The following GALNT6 variants were observed in gnomAD, a reference collection of about 807,000 sequenced individuals.
GALNT6 encodes the protein polypeptide N-acetylgalactosaminyltransferase 6, also known as GalNAc transferase 6.
Under a neutral mutation model 65.9 loss-of-function variants are expected in GALNT6, and 51 were observed. The observed-to-expected ratio is 0.77, with a 90% CI of 0.62 to 0.98. GALNT6 has a LOEUF of 0.98. Among genes scored for constraint, GALNT6 ranks in the 50% least tolerant of loss-of-function variants. GALNT6 has a pLI of 0.00. For synonymous variants in GALNT6, 323 were observed against 315.1 expected (o/e 1.02, Z -0.26); for missense variants, 708 against 803.3 (o/e 0.88, Z 1.43).
intron 4 of GALNT6, among the ~76,000 whole-genome samples, chr12:51,372,624 C>T (rs1947325869): frequency 6.6e-6 from 1 of 152,164 alleles, no homozygotes; most frequent in Non-Finnish European, 1.5e-5. Context: ...TATATGGTGG[C>T]CTGCTAGGGG....
At chr12:51,366,077 C>T (rs911713150) in intron 4 of GALNT6, among the ~76,000 whole-genome samples, 3 of 152,184 alleles carry the variant, frequency 2.0e-5, no homozygotes, top group African/African-American at 4.8e-5. Context: ...GCAACCATGC[C>T]TGGCTCATTT....
chr12:51,357,890 C>G (rs914411397), intron 9 of GALNT6, among the ~76,000 whole-genome samples: 1 of 152,184 alleles, frequency 6.6e-6, no homozygotes, highest in Non-Finnish European at 1.5e-5. Context: ...CCGTGCCTTC[C>G]TGGTGATTCT....
chr12:51,358,720 G>C (rs1395097041), intron 8 of GALNT6, among the ~76,000 whole-genome samples: 1 of 152,050 alleles, frequency 6.6e-6, no homozygotes, highest in Admixed American at 6.6e-5. Context: ...TACTGGCCCA[G>C]CCCTCACATC....
chr12:51,366,070 A>G (rs1213459711), intron 4 of GALNT6, among the ~76,000 whole-genome samples: 1 of 152,132 alleles, frequency 6.6e-6, no homozygotes, highest in East Asian at 1.9e-4. Flanking sequence ...GGTGTGTGCA[A>G]CCATGCCTGG....
intron 3 of GALNT6, 72 bp from the exon 4 acceptor site, chr12:51,377,439 A>ATCCCTGGGG: frequency 7.6e-7 from 1 of 1,313,682 alleles, no homozygotes; most frequent in Non-Finnish European, 1.1e-6. Context: ...GGCCCCATCC[A>ATCCCTGGGG]GAGACTCCCC....
intron 10 of GALNT6, 149 bp downstream of exon 10, chr12:51,357,200 T>G: frequency 7.2e-6 from 4 of 555,386 alleles, no homozygotes; most frequent in Non-Finnish European, 1.0e-5. Context: ...TCAGACCTTG[T>G]GTGTGTTATG....
intron 4 of GALNT6, among the ~76,000 whole-genome samples, chr12:51,366,241 C>T (rs1947101494): frequency 6.6e-6 from 1 of 152,204 alleles, no homozygotes; most frequent in Admixed American, 6.5e-5. Context: ...CTGACAGAGG[C>T]TCTCAGATGC....
chr12:51,360,887 C>T (rs367758508), intron 6 of GALNT6, 49 bp from the exon 7 acceptor site: 28 of 1,278,076 alleles, frequency 2.2e-5, no homozygotes, highest in African/African-American at 1.5e-4. Context: ...AGAGGAGGAG[C>T]GGAGCCTGGC....
intron 4 of GALNT6, among the ~76,000 whole-genome samples, chr12:51,366,527 C>T (rs748792085): frequency 6.6e-6 from 1 of 152,180 alleles, no homozygotes; most frequent in African/African-American, 2.4e-5. Context: ...AAAATACTTG[C>T]ACCAAGCACC....
intron 2 of GALNT6, among the ~76,000 whole-genome samples, chr12:51,381,467 T>C (rs1412543483): frequency 6.6e-6 from 1 of 152,188 alleles, no homozygotes. Flanking sequence ...TAGACATCAA[T>C]GGCAAGGGAC....
chr12:51,356,555 T>C (rs1421520146), intron 10 of GALNT6, among the ~76,000 whole-genome samples: 1 of 146,930 alleles, frequency 6.8e-6, no homozygotes, highest in Non-Finnish European at 1.5e-5. Context: ...AGAGATGGGG[T>C]GTCTTGCTAT....
Position 51,351,297 on chromosome 12 carries a change from T to C in GALNT6, c.*3082A>G, listed in dbSNP as rs1449633815. 1 of 152,236 alleles carries C rather than the reference T, an allele frequency of 6.6e-6. No homozygotes were observed. Among genetic ancestry groups the C allele is most frequent in the Non-Finnish European group, 1.5e-5 (1 of 68,044 alleles). The allele number at this position is 152,236 out of a possible 1,614,324, so 9.4% of individuals were successfully genotyped here. On this transcript the variant is annotated 3_prime_UTR_variant, in exon 12 of 12. Coordinates refer to ENST00000356317, the MANE Select transcript of GALNT6 (RefSeq NM_007210.4). ...TACCAACATAGTCATAACATTAATT[T>C]TTTTTTGAATGGAGCAAGAGCTCCG...
Position 51,374,304 on chromosome 12 carries a change from G to A in GALNT6, c.664+2891C>T, listed in dbSNP as rs1947383306. On this transcript the variant is annotated intron_variant, in intron 4 of 11. Transcript: ENST00000356317. ...CCACCTCAGCCTCCCAAGTAGCTGG[G>A]ACCACAGGCAAATACCACCATGCCT... 2.0e-5 allele frequency among the ~76,000 whole-genome samples: 3 copies of A among 151,898 alleles called. No homozygotes were observed. The South Asian group carries it at 6.2e-4, about 32-fold the overall frequency.
chr12:51,383,860 G>A (rs553079028), intron 2 of GALNT6, among the ~76,000 whole-genome samples: 1 of 152,274 alleles, frequency 6.6e-6, no homozygotes, highest in African/African-American at 2.4e-5. Flanking sequence ...TCTGCTCCCT[G>A]TGTAGGAGAT....
At chr12:51,381,295 T>A (rs2137767930) in intron 2 of GALNT6, among the ~76,000 whole-genome samples, 1 of 152,292 alleles carries the variant, frequency 6.6e-6, no homozygotes, top group South Asian at 2.1e-4. Context: ...AAAAAGAATT[T>A]AACAGAAACC....
intron 2 of GALNT6, among the ~76,000 whole-genome samples, chr12:51,385,731 C>T (rs1176997846): frequency 1.3e-5 from 2 of 149,768 alleles, no homozygotes; most frequent in East Asian, 2.0e-4. Context: ...TCACAGCCCA[C>T]CCTGTGTTTA....
At position 51,354,360 on chromosome 12, in the gene GALNT6, T is replaced by A; in HGVS notation, c.*19A>T. The A allele has an allele frequency of 2.2e-6, 3 of 1,362,486 alleles. No homozygotes were observed. The South Asian group carries it at 4.0e-5, about 18-fold the overall frequency. 84.4% of individuals were successfully genotyped at this position (1,362,486 alleles called of 1,614,324 possible). The stretch of plus-strand genomic sequence containing the variant: ...TCCTGAGGAGCTTGTGGGGGCTCTC[T>A]CTGGGGATGATCTGGGTCCTAGACA... On this transcript the variant is annotated 3_prime_UTR_variant, in exon 12 of 12. Coordinates refer to ENST00000356317, the MANE Select transcript of GALNT6 (RefSeq NM_007210.4).
intron 6 of GALNT6, among the ~76,000 whole-genome samples, chr12:51,363,603 G>A (rs554195569): frequency 2.6e-5 from 4 of 152,292 alleles, no homozygotes; most frequent in South Asian, 2.1e-4. Context: ...CAAACTTCAC[G>A]CTGCAGAAAA....
Position 51,379,619 on chromosome 12 carries a change from C to T in GALNT6, c.163G>A (p.Asp55Asn), listed in dbSNP as rs1947591988. ...TTGTTCATGGCCTCCAGCATGAGGT[C>T]CAGGACGTGATCCTTCCGGCTCACC... ...SLVSRKDHVL[D>N]LMLEAMNNLR... is the part of the protein sequence containing the mutation. Residue 55 changes from aspartate to asparagine, a missense_variant, in exon 3 of 12, where the codon GAC (aspartate) becomes AAC (asparagine). Physicochemically the swap from Asp to Asn is conservative, Grantham distance 23. Coordinates refer to ENST00000356317, the MANE Select transcript of GALNT6 (RefSeq NM_007210.4). 1 of 1,614,128 alleles carries T rather than the reference C, an allele frequency of 6.2e-7. No homozygotes were observed. The highest frequency in any genetic ancestry group is 1.7e-5 in the Admixed American group (1 of 60,030).
Sources: gnomAD v4.1 joint callset for allele counts (sites outside exome capture counted in the v4.1 genomes callset) on GRCh38, gnomAD v4.1.1 for gene constraint, MANE v1.5 for transcripts, NCBI Gene and HGNC (gene_info 2026-07-23, HGNC 2026-07-21) for gene names.